Variants in NRG1 observed in about 807,000 individuals in gnomAD.
The protein encoded by NRG1 is neuregulin 1.
In NRG1, 18 loss-of-function variants were observed where a neutral mutation model predicts 63.8. That is an observed-to-expected ratio of 0.28 (90% CI 0.19 to 0.42). NRG1 has a LOEUF of 0.42. Among genes scored for constraint, NRG1 ranks in the 10% least tolerant of loss-of-function variants. The pLI is 1.00. For synonymous variants in NRG1, 302 were observed against 301.3 expected, an observed-to-expected ratio of 1.00 and a Z score of -0.02; for missense variants, 762 against 814.7, an observed-to-expected ratio of 0.94 and a Z score of 0.79.
At chr8:31,690,762 G>C (rs2131124046) in intron 1 of NRG1, among the ~76,000 whole-genome samples, 1 of 152,308 alleles carries the variant, frequency 6.6e-6, no homozygotes, top group South Asian at 2.1e-4. Context: ...CTAATTGGAA[G>C]GAGGAAGTTG....
chr8:31,756,655 G>A (rs947146680), intron 1 of NRG1, among the ~76,000 whole-genome samples: 1 of 152,032 alleles, frequency 6.6e-6, no homozygotes, highest in African/African-American at 2.4e-5. Flanking sequence ...TTACTTTATG[G>A]TCTGTTTTAT....
chr8:31,764,154 T>TC (rs1409758662), intron 1 of NRG1, among the ~76,000 whole-genome samples: 4 of 152,290 alleles, frequency 2.6e-5, no homozygotes, highest in African/African-American at 9.6e-5. Context: ...ACTAGTCAAT[T>TC]CCTCCTCATC....
chr8:32,206,426 T>C (rs753855423), intron 1 of NRG1, among the ~76,000 whole-genome samples: 31 of 152,328 alleles, frequency 2.0e-4, no homozygotes, highest in South Asian at 1.7e-3. Context: ...ACAGAGATTA[T>C]TGGAGACCAA....
chr8:32,323,842 G>T (rs1053800967), intron 1 of NRG1, among the ~76,000 whole-genome samples: 1 of 152,148 alleles, frequency 6.6e-6, no homozygotes, highest in African/African-American at 2.4e-5. Context: ...GCCTCTGAAT[G>T]AGCCCACATG....
intron 1 of NRG1, among the ~76,000 whole-genome samples, chr8:32,297,788 A>G (rs888810835): frequency 1.3e-5 from 2 of 152,214 alleles, no homozygotes; most frequent in African/African-American, 4.8e-5. Context: ...AGTCAATCCT[A>G]AATCATGTCT....
chr8:32,025,651 CT>C (rs1422219201), intron 1 of NRG1, among the ~76,000 whole-genome samples: 1 of 151,778 alleles, frequency 6.6e-6, no homozygotes, highest in African/African-American at 2.4e-5. Flanking sequence ...GCTCAATTGA[CT>C]CCCTCTCATA....
chr8:31,692,646 G>C (rs1312687482), intron 1 of NRG1, among the ~76,000 whole-genome samples: 4 of 152,198 alleles, frequency 2.6e-5, no homozygotes, highest in Non-Finnish European at 5.9e-5. Flanking sequence ...AGCAGAATCA[G>C]CTGCCTTGAT....
chr8:32,596,491 C>A (rs1050967247), intron 2 of NRG1, among the ~76,000 whole-genome samples: 5 of 151,442 alleles, frequency 3.3e-5, no homozygotes, highest in Non-Finnish European at 5.9e-5. Flanking sequence ...ATCCCAGCTA[C>A]TTGGAGGCTG....
chr8:32,728,518 G>A, intron 6 of NRG1: 1 of 985,332 alleles, frequency 1.0e-6, no homozygotes, highest in African/African-American at 1.7e-5. Flanking sequence ...AGAAGCAGAA[G>A]GGCAGAAGAT....
At chr8:31,921,414 T>C (rs976380797) in intron 1 of NRG1, among the ~76,000 whole-genome samples, 3 of 152,084 alleles carry the variant, frequency 2.0e-5, no homozygotes, top group South Asian at 2.1e-4. Context: ...ACACAAGCAA[T>C]GTGGTAAAAC....
At chr8:32,211,453 T>C (rs1439185985) in intron 1 of NRG1, among the ~76,000 whole-genome samples, 1 of 152,166 alleles carries the variant, frequency 6.6e-6, no homozygotes, top group East Asian at 1.9e-4. Flanking sequence ...GCCAGGGGCA[T>C]CCTCATTTTA....
intron 1 of NRG1, among the ~76,000 whole-genome samples, chr8:31,768,353 G>A (rs956703397): frequency 8.5e-5 from 13 of 152,284 alleles, no homozygotes; most frequent in African/African-American, 3.1e-4. Context: ...CAACAGTTGA[G>A]AATAATCTTG....
At chr8:32,363,229 T>C (rs894650813) in intron 1 of NRG1, among the ~76,000 whole-genome samples, 1 of 152,208 alleles carries the variant, frequency 6.6e-6, no homozygotes, top group African/African-American at 2.4e-5. Context: ...CCTCCATGAC[T>C]AGCCTTTCAG....
At chr8:31,868,701 G>A (rs997227153) in intron 1 of NRG1, among the ~76,000 whole-genome samples, 18 of 152,108 alleles carry the variant, frequency 1.2e-4, no homozygotes, top group African/African-American at 3.4e-4. Flanking sequence ...ATCTTTCACC[G>A]TGCACTGTCT....
chr8:32,003,464 G>A (rs1399222040), intron 1 of NRG1, among the ~76,000 whole-genome samples: 12 of 151,892 alleles, frequency 7.9e-5, no homozygotes, highest in Admixed American at 1.3e-4. Context: ...ATTCAAAAGC[G>A]TGGCAATCAC....
intron 1 of NRG1, among the ~76,000 whole-genome samples, chr8:32,316,836 T>C (rs1180118456): frequency 1.3e-5 from 2 of 151,888 alleles, no homozygotes; most frequent in Non-Finnish European, 2.9e-5. Flanking sequence ...TAAAACACAT[T>C]AGGAAATTTA....
chr8:31,965,870 A>T (rs1806232291), intron 1 of NRG1, among the ~76,000 whole-genome samples: 1 of 152,202 alleles, frequency 6.6e-6, no homozygotes, highest in South Asian at 2.1e-4. Flanking sequence ...AGAAGCAGAA[A>T]ATCAAATATC....
chr8:31,670,340 CT>C (rs995480630), intron 1 of NRG1, among the ~76,000 whole-genome samples: 2 of 152,170 alleles, frequency 1.3e-5, no homozygotes, highest in Non-Finnish European at 2.9e-5. Flanking sequence ...AGCTCCTACA[CT>C]GCAGGCCTTC....
At chr8:31,851,027 C>T (rs1210708401) in intron 1 of NRG1, among the ~76,000 whole-genome samples, 1 of 152,140 alleles carries the variant, frequency 6.6e-6, no homozygotes, top group Non-Finnish European at 1.5e-5. Flanking sequence ...TACTCAGTGC[C>T]TCCTTATACA....
Sources: allele counts gnomAD v4.1 joint callset (sites outside exome capture counted in the v4.1 genomes callset), GRCh38; gene constraint gnomAD v4.1.1; transcripts MANE v1.5; gene names NCBI Gene and HGNC (gene_info 2026-07-23, HGNC 2026-07-21).